Variants in WDR41 observed in about 807,000 individuals in gnomAD.
WDR41 encodes the protein WD repeat-containing protein 41.
A neutral mutation model predicts 69.3 loss-of-function variants in WDR41; 63 were observed. The observed-to-expected ratio is 0.91, with a 90% CI of 0.74 to 1.12. WDR41 has a LOEUF of 1.12. Ranked by LOEUF, WDR41 falls within the 50% of genes most tolerant of loss-of-function variation. The pLI is 0.00. For synonymous variants in WDR41, 185 were observed against 192.1 expected (o/e 0.96, Z 0.31); for missense variants, 543 against 534.5 (o/e 1.02, Z -0.16).
chr5:77,481,906 A>T (rs1801289483), intron 2 of WDR41, among the ~76,000 whole-genome samples: 1 of 152,170 alleles, frequency 6.6e-6, no homozygotes, highest in South Asian at 2.1e-4. Flanking sequence ...TTCTCAATAA[A>T]TTCTGTTCTC....
chr5:77,444,420 T>TA (rs1167906365), intron 8 of WDR41, among the ~76,000 whole-genome samples: 2 of 152,168 alleles, frequency 1.3e-5, no homozygotes, highest in East Asian at 3.9e-4. Flanking sequence ...AGGAATAAAA[T>TA]AAAGGAGCAC....
chr5:77,483,654 G>C (rs959103862), intron 2 of WDR41, among the ~76,000 whole-genome samples: 1 of 152,094 alleles, frequency 6.6e-6, no homozygotes, highest in Non-Finnish European at 1.5e-5. Context: ...CTACACATTA[G>C]AGGTTGCAAA....
At chr5:77,477,108 CA>C (rs1477518985) in intron 2 of WDR41, among the ~76,000 whole-genome samples, 12 of 148,174 alleles carry the variant, frequency 8.1e-5, no homozygotes, top group East Asian at 3.9e-4. Context: ...GGGATCAATT[CA>C]ACAAGAAGAG....
At chr5:77,583,221 A>G in intron 1 of WDR41, 1 of 710,014 alleles carries the variant, frequency 1.4e-6, no homozygotes, top group Admixed American at 2.8e-5. Context: ...TGAATTAGTA[A>G]TTAAAAAAGC....
chr5:77,450,017 CT>C, intron 7 of WDR41, 147 bp from the exon 8 acceptor site: 7 of 614,314 alleles, frequency 1.1e-5, no homozygotes, highest in Non-Finnish European at 2.0e-5. Flanking sequence ...ATTCATACTA[CT>C]TTAAACTATT....
intron 1 of WDR41, among the ~76,000 whole-genome samples, chr5:77,516,535 G>C (rs568325143): frequency 3.9e-5 from 6 of 152,268 alleles, no homozygotes; most frequent in African/African-American, 1.4e-4. Context: ...CTTCTAGGGA[G>C]ATAGTTCCGA....
chr5:77,600,929 A>G (rs74972467), intron 1 of WDR41, among the ~76,000 whole-genome samples: 1,811 of 144,184 alleles, frequency 0.013, 13 homozygotes, highest in Middle Eastern at 0.052. Flanking sequence ...CTCTGTGTGT[A>G]TGTGTGTGTG....
Position 77,612,990 on chromosome 5 carries a change from T to C in WDR41, c.42+7489A>G, listed in dbSNP as rs1294635973. On this transcript the variant is annotated intron_variant, in intron 1 of 5. Transcript: ENST00000509971. ...TGTACAAAAATCACAAGCATTCTTA[T>C]ACACCAATAACAGACAAACAGAGAG... is the stretch of plus-strand genomic sequence containing the variant. Among the ~76,000 whole-genome samples, 5 of 150,708 alleles carry C rather than the reference T, an allele frequency of 3.3e-5. No individual in the cohort carries two copies. In the East Asian group the frequency reaches 7.8e-4, roughly 23 times the overall value.
At chr5:77,517,922 G>A (rs1338708615) in intron 1 of WDR41, among the ~76,000 whole-genome samples, 2 of 151,996 alleles carry the variant, frequency 1.3e-5, no homozygotes, top group Non-Finnish European at 2.9e-5. Flanking sequence ...TGTGTATTGT[G>A]TATACCATCA....
intron 2 of WDR41, among the ~76,000 whole-genome samples, chr5:77,466,498 A>T (rs559962956): frequency 6.6e-6 from 1 of 151,992 alleles, no homozygotes; most frequent in African/African-American, 2.4e-5. Flanking sequence ...TTGCATTTAG[A>T]AGACAGCAAG....
At chr5:77,460,600 G>A (rs1019957048) in intron 4 of WDR41, among the ~76,000 whole-genome samples, 6 of 152,098 alleles carry the variant, frequency 3.9e-5, no homozygotes, top group African/African-American at 9.7e-5. Flanking sequence ...AAGTGTTTCT[G>A]ATTTTTTTTG....
rs552575847 is a variant in WDR41, at chr5:77,546,263, A to G, written c.43-56691T>C. 120 of 360,978 alleles carry G rather than the reference A, an allele frequency of 3.3e-4. 1 individual carries two copies. Among genetic ancestry groups the G allele is most frequent in the Non-Finnish European group, 5.3e-4 (106 of 199,460 alleles). The allele number at this position is 360,978 out of a possible 1,614,324, so 22.4% of individuals were successfully genotyped here. On this transcript the variant is annotated intron_variant, in intron 1 of 5. Transcript: ENST00000509971. Reference sequence around the variant, plus strand: ...CCCAGGCTCCAGCTGTGGCTACAACATAGAGTTTTTATACAAGAAAAATAA... The same window carrying G: ...CCCAGGCTCCAGCTGTGGCTACAACGTAGAGTTTTTATACAAGAAAAATAA...
chr5:77,522,544 G>A (rs1802386233), intron 1 of WDR41, among the ~76,000 whole-genome samples: 1 of 152,248 alleles, frequency 6.6e-6, no homozygotes, highest in East Asian at 1.9e-4. Context: ...GGAGGCTAAG[G>A]TGGGAGAATC....
intron 2 of WDR41, among the ~76,000 whole-genome samples, chr5:77,480,920 T>C (rs990905257): frequency 6.6e-6 from 1 of 152,116 alleles, no homozygotes; most frequent in East Asian, 1.9e-4. Context: ...CAAGTTTCCA[T>C]GGAGGACTCC....
At chr5:77,588,904 A>C (rs779721164) in intron 1 of WDR41, among the ~76,000 whole-genome samples, 1 of 152,242 alleles carries the variant, frequency 6.6e-6, no homozygotes, top group Non-Finnish European at 1.5e-5. Flanking sequence ...TCAGTAGAGC[A>C]CATCACTGCC....
At chr5:77,496,898 G>A (rs1220632879), upstream of WDR41, among the ~76,000 whole-genome samples, 3 of 152,168 alleles carry the variant, frequency 2.0e-5, no homozygotes, top group Non-Finnish European at 4.4e-5. Context: ...CACAAGGACA[G>A]ACATGTAGAC....
At chr5:77,567,796 A>G (rs2112268233) in intron 1 of WDR41, among the ~76,000 whole-genome samples, 1 of 152,046 alleles carries the variant, frequency 6.6e-6, no homozygotes, top group South Asian at 2.1e-4. Context: ...GTCCAAGTAT[A>G]TGCATTTTAA....
At chr5:77,566,078 TG>T (rs1293609214) in intron 1 of WDR41, among the ~76,000 whole-genome samples, 1 of 152,110 alleles carries the variant, frequency 6.6e-6, no homozygotes, top group Non-Finnish European at 1.5e-5. Context: ...TACCTCTCTA[TG>T]GTCAAGACTG....
chr5:77,609,694 A>G (rs1177689616), intron 1 of WDR41, among the ~76,000 whole-genome samples: 1 of 152,046 alleles, frequency 6.6e-6, no homozygotes, highest in Admixed American at 6.5e-5. Context: ...AGATAAAACC[A>G]CAAAGATGGG....
Sources: allele counts gnomAD v4.1 joint callset (sites outside exome capture counted in the v4.1 genomes callset), GRCh38; gene constraint gnomAD v4.1.1; transcripts MANE v1.5; gene names NCBI Gene and HGNC (gene_info 2026-07-23, HGNC 2026-07-21).